Variants in GPHN observed in about 807,000 individuals in gnomAD.
The protein encoded by GPHN is gephyrin.
A neutral mutation model predicts 95.5 loss-of-function variants in GPHN; 17 were observed. That is an observed-to-expected ratio of 0.18 (90% CI 0.12 to 0.27). The LOEUF (loss-of-function observed/expected upper bound fraction) is 0.27, where lower values mean the gene tolerates loss of function less well. Among genes scored for constraint, GPHN ranks in the 10% least tolerant of loss-of-function variants. GPHN has a pLI of 1.00. For missense variants in GPHN, 660 were observed against 978.1 expected (o/e 0.67, Z 4.34); for synonymous variants, 320 against 322.5 (o/e 0.99, Z 0.08).
intron 2 of GPHN, among the ~76,000 whole-genome samples, chr14:66,689,960 A>G (rs2067664675): frequency 6.6e-6 from 1 of 151,790 alleles, no homozygotes; most frequent in Non-Finnish European, 1.5e-5. Flanking sequence ...TCGTTGGTCT[A>G]GCTAGTAGTT....
the GPHN span, among the ~76,000 whole-genome samples, chr14:67,240,311 G>T: frequency 3.3e-5 from 5 of 152,178 alleles, no homozygotes; most frequent in South Asian, 1.0e-3. Flanking sequence ...CCAGAGGAGC[G>T]TAATGGGGAA....
intron 5 of GPHN, among the ~76,000 whole-genome samples, chr14:66,882,415 G>T (rs141275354): frequency 4.0e-5 from 6 of 151,770 alleles, no homozygotes; most frequent in African/African-American, 1.2e-4. Context: ...AAAAACAAAT[G>T]TTTAAACCAT....
chr14:67,643,311 A>G, the GPHN span, among the ~76,000 whole-genome samples: 1 of 152,278 alleles, frequency 6.6e-6, no homozygotes, highest in African/African-American at 2.4e-5. Context: ...TGAATTCTAC[A>G]GAATTTCAAA....
chr14:66,906,674 G>A (rs1454845780), intron 5 of GPHN, among the ~76,000 whole-genome samples: 1 of 152,050 alleles, frequency 6.6e-6, no homozygotes, highest in Non-Finnish European at 1.5e-5. Context: ...CAGCCTGCTC[G>A]TACATTGCCA....
intron 1 of GPHN, among the ~76,000 whole-genome samples, chr14:66,675,128 A>G (rs1486237821): frequency 4.2e-5 from 6 of 143,546 alleles, no homozygotes; most frequent in Non-Finnish European, 9.1e-5. Flanking sequence ...TGAGATGTCT[A>G]TTCAGATTCT....
chr14:66,510,209 G>T (rs1015087994), intron 1 of GPHN, among the ~76,000 whole-genome samples: 5 of 152,116 alleles, frequency 3.3e-5, no homozygotes, highest in African/African-American at 1.2e-4. Context: ...ATGTCAAAGT[G>T]TATATCTTTT....
intron 8 of GPHN, among the ~76,000 whole-genome samples, chr14:66,963,614 G>T (rs868820048): frequency 6.6e-6 from 1 of 151,970 alleles, no homozygotes; most frequent in Non-Finnish European, 1.5e-5. Flanking sequence ...TTGGATAAGT[G>T]GCAACAAATA....
the GPHN span, chr14:67,600,063 C>A: frequency 6.5e-3 from 10,348 of 1,590,072 alleles, 314 homozygotes; most frequent in African/African-American, 0.087. Context: ...CCAGCCACAC[C>A]GTGCAGGTGA....
chr14:67,182,222 G>A (rs1187094769), downstream of GPHN, among the ~76,000 whole-genome samples: 3 of 152,126 alleles, frequency 2.0e-5, no homozygotes, highest in East Asian at 1.9e-4. Context: ...ATTTTTAACC[G>A]TGTTAGAAAG....
chr14:67,618,931 G>A, the GPHN span, among the ~76,000 whole-genome samples: 4 of 152,210 alleles, frequency 2.6e-5, no homozygotes, highest in Non-Finnish European at 5.9e-5. Flanking sequence ...AAATTGACAT[G>A]AGGTGAAATA....
At chr14:66,776,891 TA>T (rs1202709665) in intron 3 of GPHN, among the ~76,000 whole-genome samples, 2 of 140,200 alleles carry the variant, frequency 1.4e-5, no homozygotes, top group Admixed American at 1.4e-4. Context: ...GTCTTTTTTT[TA>T]AATTATTATT....
the GPHN span, among the ~76,000 whole-genome samples, chr14:67,222,824 A>G: frequency 6.6e-6 from 1 of 152,150 alleles, no homozygotes; most frequent in Non-Finnish European, 1.5e-5. Flanking sequence ...ACACTATGGA[A>G]GGAACATTTA....
intron 5 of GPHN, among the ~76,000 whole-genome samples, chr14:66,885,281 T>A (rs891998758): frequency 2.6e-5 from 4 of 152,092 alleles, no homozygotes; most frequent in African/African-American, 9.7e-5. Context: ...GACAACCGTT[T>A]GAACTGGCAG....
chr14:67,211,660 CTCACACGCCTGTAATCCCA>C, the GPHN span, among the ~76,000 whole-genome samples: 1 of 152,114 alleles, frequency 6.6e-6, no homozygotes. Context: ...GGCAAAGTGG[CTCACACGCCTGTAATCCCA>C]TCAACTGTGG....
At chr14:67,734,049 C>A in the GPHN span, 1 of 479,974 alleles carries the variant, frequency 2.1e-6, no homozygotes, top group Non-Finnish European at 3.9e-6. Flanking sequence ...GTTGTGGACA[C>A]CTATAGAGTG....
intron 5 of GPHN, among the ~76,000 whole-genome samples, chr14:66,888,028 A>T (rs964691276): frequency 1.3e-5 from 2 of 152,174 alleles, no homozygotes; most frequent in Non-Finnish European, 2.9e-5. Context: ...GAGCATGAGG[A>T]TCTCTCACTG....
chr14:67,185,841 T>C (rs1458383177), downstream of GPHN, among the ~76,000 whole-genome samples: 2 of 152,178 alleles, frequency 1.3e-5, no homozygotes, highest in Admixed American at 1.3e-4. Context: ...ATGTAAGTAA[T>C]TATCATTCCC....
At chr14:66,741,952 A>G (rs1049355639) in intron 2 of GPHN, among the ~76,000 whole-genome samples, 4 of 152,184 alleles carry the variant, frequency 2.6e-5, no homozygotes, top group African/African-American at 7.2e-5. Context: ...TTGCCTTGCT[A>G]TCTTCATTGG....
the GPHN span, among the ~76,000 whole-genome samples, chr14:67,543,574 G>A: frequency 6.6e-6 from 1 of 152,108 alleles, no homozygotes; most frequent in Non-Finnish European, 1.5e-5. Context: ...AGTCTCCTGG[G>A]GGGTTGCTAA....
Sources: gnomAD v4.1 joint callset for allele counts (sites outside exome capture counted in the v4.1 genomes callset) on GRCh38, gnomAD v4.1.1 for gene constraint, MANE v1.5 for transcripts, NCBI Gene and HGNC (gene_info 2026-07-23, HGNC 2026-07-21) for gene names.